NHEJ1: variants seen among roughly 807,000 people sequenced by gnomAD.
NHEJ1 encodes the protein non-homologous end-joining factor 1.
A neutral mutation model predicts 39.4 loss-of-function variants in NHEJ1; 22 were observed. The ratio of observed to expected loss-of-function variants is 0.56; its 90% CI spans 0.40 to 0.80. The LOEUF is 0.80. NHEJ1 is among the 30% of genes least tolerant of loss of function. The pLI, the probability that NHEJ1 is intolerant of heterozygous loss-of-function variation, is 0.00. For synonymous variants in NHEJ1, 154 were observed against 135.6 expected, an observed-to-expected ratio of 1.14 and a Z score of -0.94; for missense variants, 329 against 357.1, an observed-to-expected ratio of 0.92 and a Z score of 0.63.
intron 5 of NHEJ1, among the ~76,000 whole-genome samples, chr2:219,126,673 G>A (rs1024409247): frequency 5.3e-5 from 8 of 152,154 alleles, no homozygotes; most frequent in Non-Finnish European, 1.0e-4. Flanking sequence ...GGAGGAGCCA[G>A]AAAAACCAGT....
chr2:219,076,411 CTT>C lies in NHEJ1; in HGVS notation c.868_869del (p.Lys290GlufsTer18). The C allele has an allele frequency of 3.7e-6, 6 of 1,614,160 alleles. No homozygotes were observed. Among genetic ancestry groups the C allele is most frequent in the Non-Finnish European group, 4.2e-6 (5 of 1,180,042 alleles). ...TGAAGAGACCCCTTGGCTTCTTCCT[CTT>C]GACCTTTGACAGCTGAGGTCTCTGC... is the stretch of plus-strand genomic sequence containing the variant. Reference protein sequence around the residue: ...PLQRPQLSKVKRKKPRGLFS With the variant: ...PLQRPQLSKVXRKKPRGLFS On this transcript the variant is annotated frameshift_variant, in exon 8 of 8. Coordinates refer to ENST00000356853, the MANE Select transcript of NHEJ1 (RefSeq NM_024782.3). LOFTEE classifies it high-confidence loss of function.
rs181939733 is a variant in NHEJ1 at position 219,126,870 on chromosome 2, C to A, written c.588+19810G>T. Reference sequence around the variant, plus strand: ...GGAAGGGGGTTTCCAGAGGGAACGGCATGTGCCAAGGACTAGAGGTAACAG... The same window carrying A: ...GGAAGGGGGTTTCCAGAGGGAACGGAATGTGCCAAGGACTAGAGGTAACAG... On this transcript the variant is annotated intron_variant, in intron 5 of 7. Transcript: ENST00000356853. Among the ~76,000 whole-genome samples the A allele has an allele frequency of 4.0e-4, 61 of 152,352 alleles. No individual in the cohort carries two copies. In the South Asian group the frequency reaches 5.2e-3, roughly 13 times the overall value.
chr2:219,136,634 G>T (rs541768605), intron 5 of NHEJ1, among the ~76,000 whole-genome samples: 5 of 152,010 alleles, frequency 3.3e-5, no homozygotes, highest in African/African-American at 1.2e-4. Context: ...ATGGAGTCTT[G>T]CTCTGTTGCC....
intron 5 of NHEJ1, among the ~76,000 whole-genome samples, chr2:219,101,097 C>G (rs918981595): frequency 2.6e-5 from 4 of 152,044 alleles, no homozygotes; most frequent in African/African-American, 9.7e-5. Context: ...TGTATCATGG[C>G]TATCTTTTCA....
Position 219,078,142 on chromosome 2 carries a change from T to C in NHEJ1, c.653A>G (p.Tyr218Cys), listed in dbSNP as rs776714106. ...GACCTCTTGTGTGGTGACTGCCATA[T>C]ACAGATCCTGCAGATTCATGACAAA... ...KPFVMNLQDL[Y>C]MAVTTQEVQV... Residue 218 changes from tyrosine to cysteine, a missense_variant, in exon 6 of 8, where the codon TAT becomes TGT. Physicochemically the swap from Tyr to Cys is radical, Grantham distance 194. Transcript: ENST00000356853. The C allele has an allele frequency of 7.4e-6, 12 of 1,614,080 alleles. No homozygotes were observed. The Admixed American group carries it at 8.3e-5, about 11-fold the overall frequency.
In NHEJ1 at chr2:219,076,177, G is replaced by A. The variant is rs1006521326; in HGVS notation, c.*204C>T. On this transcript the variant is annotated 3_prime_UTR_variant, in exon 8 of 8. Coordinates refer to ENST00000356853, the MANE Select transcript of NHEJ1 (RefSeq NM_024782.3). Reference sequence around the variant, plus strand: ...TCCACCAAAAGAGAGGAGAGCACGGGATTCTCAGAGACTGGCTTCCACTTG... The same window carrying A: ...TCCACCAAAAGAGAGGAGAGCACGGAATTCTCAGAGACTGGCTTCCACTTG... 1.7e-6 allele frequency: 2 copies of A among 1,154,908 alleles called. No individual in the cohort carries two copies. Among genetic ancestry groups the A allele is most frequent in the South Asian group, 3.1e-5 (2 of 63,602 alleles). The allele number at this position is 1,154,908 out of a possible 1,614,324, so 71.5% of individuals were successfully genotyped here.
intron 5 of NHEJ1, among the ~76,000 whole-genome samples, chr2:219,110,845 T>C (rs911650375): frequency 1.3e-5 from 2 of 152,152 alleles, no homozygotes; most frequent in Non-Finnish European, 2.9e-5. Flanking sequence ...ATGGAGTCCA[T>C]ATGCTACTGT....
Position 219,151,999 on chromosome 2 carries a change from A to C in NHEJ1, c.391-4204T>G, listed in dbSNP as rs185564980. Among the ~76,000 whole-genome samples, 526 of 151,616 alleles carry C rather than the reference A, an allele frequency of 3.5e-3. 3 individuals carry two copies. The highest frequency in any genetic ancestry group is 0.015 in the South Asian group (74 of 4,830). Reference sequence around the variant, plus strand: ...CAATAATAATAATAATAATGTGTAAATAGTTCAAAGCAAATCCACAGACAC... The same window carrying C: ...CAATAATAATAATAATAATGTGTAACTAGTTCAAAGCAAATCCACAGACAC... On this transcript the variant is annotated intron_variant, in intron 3 of 7. Coordinates refer to ENST00000356853, the MANE Select transcript of NHEJ1 (RefSeq NM_024782.3).
intron 5 of NHEJ1, among the ~76,000 whole-genome samples, chr2:219,086,702 C>T (rs535467517): frequency 8.6e-5 from 13 of 151,942 alleles, no homozygotes; most frequent in Admixed American, 1.3e-4. Flanking sequence ...CAGCTCTGCC[C>T]CCAAAGAAAA....
chr2:219,107,146 A>G (rs1344932346), intron 5 of NHEJ1, among the ~76,000 whole-genome samples: 3 of 152,228 alleles, frequency 2.0e-5, no homozygotes, highest in Admixed American at 2.0e-4. Context: ...AACTGCAAAG[A>G]AACATATGAT....
At chr2:219,160,055 C>T (rs1400108362) in intron 1 of NHEJ1, among the ~76,000 whole-genome samples, 2 of 152,186 alleles carry the variant, frequency 1.3e-5, no homozygotes, top group Non-Finnish European at 2.9e-5. Context: ...TCCGAAGCTT[C>T]TACACTTCAT....
rs1948961960 is a variant in NHEJ1, at chr2:219,072,055, G to A, written c.*4326C>T. On this transcript the variant is annotated 3_prime_UTR_variant, in exon 8 of 8. Coordinates refer to ENST00000356853, the MANE Select transcript of NHEJ1 (RefSeq NM_024782.3). ...GATGGGATGAAAGATCAAGAAAGAT[G>A]GACTTCTAGATGTTCAAATAGAGAA... is the stretch of plus-strand genomic sequence containing the variant. Among the ~76,000 whole-genome samples, 1 of 152,194 alleles carries A rather than the reference G, an allele frequency of 6.6e-6. No individual in the cohort carries two copies. Among genetic ancestry groups the A allele is most frequent in the South Asian group, 2.1e-4 (1 of 4,826 alleles).
At position 219,146,698 on chromosome 2, in the gene NHEJ1, C is replaced by T; in HGVS notation, c.570G>A (p.Leu190=). ...KTEPFEENSF[L]EQFMIEKLPE... ...ACCTTACCTCTATCATAAATTGTTCCAAGAAGGAATTTTCTTCAAATGGTT... is the reference window on the plus strand; with the variant it reads ...ACCTTACCTCTATCATAAATTGTTCTAAGAAGGAATTTTCTTCAAATGGTT... The change falls in exon 5 of 8, where the codon TTG becomes TTA. Residue 190 remains leucine (L), a synonymous_variant. Coordinates refer to ENST00000356853, the MANE Select transcript of NHEJ1 (RefSeq NM_024782.3). 4 of 1,611,594 alleles carry T rather than the reference C, an allele frequency of 2.5e-6. No individual in the cohort carries two copies. Among genetic ancestry groups the T allele is most frequent in the Non-Finnish European group, 3.4e-6 (4 of 1,177,748 alleles).
chr2:219,109,348 C>A (rs1399479376), intron 5 of NHEJ1, among the ~76,000 whole-genome samples: 1 of 152,126 alleles, frequency 6.6e-6, no homozygotes, highest in East Asian at 1.9e-4. Flanking sequence ...CTCCCAAGAC[C>A]ACAAAGGATA....
intron 5 of NHEJ1, among the ~76,000 whole-genome samples, chr2:219,085,791 T>C (rs1410614984): frequency 6.7e-6 from 1 of 150,350 alleles, no homozygotes; most frequent in Admixed American, 6.7e-5. Context: ...CAAACATCTA[T>C]GTATGCAATC....
chr2:219,125,660 T>C (rs1215687475), intron 5 of NHEJ1: 1 of 152,268 alleles, frequency 6.6e-6, no homozygotes, highest in Non-Finnish European at 1.5e-5. Context: ...TAGAATTTAC[T>C]GATCCCTGCC....
chr2:219,100,118 G>A (rs1949243101), intron 5 of NHEJ1, among the ~76,000 whole-genome samples: 1 of 152,182 alleles, frequency 6.6e-6, no homozygotes, highest in Non-Finnish European at 1.5e-5. Flanking sequence ...CATGGCACAT[G>A]ACATATTCAC....
Position 219,147,812 on chromosome 2 carries a change from A to C in NHEJ1, c.391-17T>G. 6.2e-7 allele frequency: 1 copy of C among 1,613,926 alleles called. No homozygotes were observed. The highest frequency in any genetic ancestry group is 1.3e-5 in the African/African-American group (1 of 75,060). On this transcript the variant is annotated splice_polypyrimidine_tract_variant and intron_variant, in intron 3 of 7. Transcript: ENST00000356853. Reference sequence around the variant, plus strand: ...TTGGGAGACCTTTGAGGGAAGAGATATCAATTAGCCAAAAGACTCTTATAA... The same window carrying C: ...TTGGGAGACCTTTGAGGGAAGAGATCTCAATTAGCCAAAAGACTCTTATAA...
At chr2:219,115,497 C>T (rs1287563398) in intron 5 of NHEJ1, among the ~76,000 whole-genome samples, 1 of 152,094 alleles carries the variant, frequency 6.6e-6, no homozygotes, top group African/African-American at 2.4e-5. Context: ...AGTCAAGAGC[C>T]TGAGCAAATA....
Sources: allele counts gnomAD v4.1 joint callset (sites outside exome capture counted in the v4.1 genomes callset), GRCh38; gene constraint gnomAD v4.1.1; transcripts MANE v1.5; gene names NCBI Gene and HGNC (gene_info 2026-07-23, HGNC 2026-07-21).